Variants in WWP2 observed in about 807,000 individuals in gnomAD.
The protein encoded by WWP2 is NEDD4-like E3 ubiquitin-protein ligase WWP2.
WWP2 carries 57 observed loss-of-function variants against 121.0 expected under a neutral mutation model. That is an observed-to-expected ratio of 0.47 (90% confidence interval 0.38 to 0.59). WWP2 has a LOEUF of 0.59. WWP2 is among the 20% of genes least tolerant of loss of function. The pLI is 0.00. For missense variants in WWP2, 962 were observed against 1,158.9 expected (o/e 0.83, Z 2.47); for synonymous variants, 449 against 441.3 (o/e 1.02, Z -0.22).
chr16:69,806,042 A>T (rs968320373), intron 4 of WWP2, among the ~76,000 whole-genome samples: 1 of 149,778 alleles, frequency 6.7e-6, no homozygotes, highest in African/African-American at 2.4e-5. Flanking sequence ...ACTAAAAATT[A>T]AAAAAAAAAT....
intron 5 of WWP2, among the ~76,000 whole-genome samples, chr16:69,841,643 G>A (rs1348045149): frequency 6.6e-6 from 1 of 152,156 alleles, no homozygotes; most frequent in African/African-American, 2.4e-5. Context: ...AGCTCTCTGG[G>A]TGTATTATGG....
intron 8 of WWP2, among the ~76,000 whole-genome samples, chr16:69,894,075 A>C (rs543468715): frequency 3.6e-5 from 5 of 138,998 alleles, no homozygotes; most frequent in African/African-American, 7.9e-5. Flanking sequence ...AGGTTGCTGC[A>C]TTTTTTTTTT....
At chr16:69,929,724 T>A (rs976615442) in intron 12 of WWP2, among the ~76,000 whole-genome samples, 195 bp downstream of exon 12, 3 of 152,186 alleles carry the variant, frequency 2.0e-5, no homozygotes, top group Admixed American at 6.5e-5. Flanking sequence ...GTTTCTTAAA[T>A]AGACCTTCCT....
intron 9 of WWP2, among the ~76,000 whole-genome samples, chr16:69,914,065 C>CT (rs1195215023): frequency 3.1e-4 from 28 of 90,854 alleles, no homozygotes; most frequent in Non-Finnish European, 4.9e-4. Context: ...GAGCGAGACT[C>CT]TGTCTCAAAA....
chr16:69,927,449 A>G (rs540464474), intron 11 of WWP2, among the ~76,000 whole-genome samples: 2 of 151,386 alleles, frequency 1.3e-5, no homozygotes, highest in African/African-American at 4.8e-5. Flanking sequence ...GTGGCTGAAT[A>G]TGTCTGAGTC....
rs779707234 is a variant in WWP2, at chr16:69,929,496, G to A, written c.1283G>A (p.Arg428His). Residue 428 changes from arginine to histidine, a missense_variant, in exon 12 of 24, where the codon CGC (arginine) becomes CAC (histidine). Physicochemically the swap from Arg to His is conservative, Grantham distance 29. Transcript: ENST00000359154. Reference protein sequence around the residue: ...GRVYYVNHNTRTTQWEDPRTQ... With the variant: ...GRVYYVNHNTHTTQWEDPRTQ... Reference sequence around the variant, plus strand: ...GTGTATTACGTGAACCATAACACTCGCACGACCCAGTGGGAGGATCCCCGG... The same window carrying A: ...GTGTATTACGTGAACCATAACACTCACACGACCCAGTGGGAGGATCCCCGG... 3.8e-4 allele frequency: 616 copies of A among 1,613,960 alleles called. 6 individuals are homozygous for A. The highest frequency in any genetic ancestry group is 1.3e-4 in the Non-Finnish European group (148 of 1,179,990).
intron 1 of WWP2, among the ~76,000 whole-genome samples, chr16:69,777,122 C>A (rs2055548399): frequency 1.3e-5 from 2 of 149,924 alleles, no homozygotes; most frequent in South Asian, 4.2e-4. Context: ...ATATACAATA[C>A]ACATATGGAT....
In WWP2 at chr16:69,840,233, A is replaced by T; in HGVS notation, c.448A>T (p.Asn150Tyr). The part of the protein sequence containing the change: ...FLDGPTVDLG[N>Y]VPNGSALTDG... ...GGACGGGCCAACTGTTGATCTGGGA[A>T]ATGTGCCTAATGGCAGTGCCCTGAC... The change falls in exon 5 of 24, where the codon AAT becomes TAT. Residue 150 changes from asparagine to tyrosine, a missense_variant. Physicochemically the swap from Asn to Tyr is moderately radical, Grantham distance 143 (BLOSUM62 -2). Around this residue, in one of 3 missense-constraint regions of WWP2, gnomAD observed 145 missense variants for 189.8 expected, o/e 0.76. Transcript: ENST00000359154. The T allele has an allele frequency of 6.2e-7, 1 of 1,614,206 alleles. No homozygotes were observed. Among genetic ancestry groups the T allele is most frequent in the African/African-American group, 1.3e-5 (1 of 75,056 alleles).
chr16:69,914,689 G>A (rs1364107987), intron 9 of WWP2, among the ~76,000 whole-genome samples: 1 of 151,966 alleles, frequency 6.6e-6, no homozygotes. Context: ...CTGGGAGGTC[G>A]AGGCTGCAGT....
chr16:69,933,172 C>T (rs924615682), intron 16 of WWP2: 5 of 493,196 alleles, frequency 1.0e-5, no homozygotes, highest in African/African-American at 1.9e-5. Flanking sequence ...GACAGGATAC[C>T]GGGGCACCCT....
chr16:69,914,627 C>T (rs1485719798), intron 9 of WWP2, among the ~76,000 whole-genome samples: 3 of 151,968 alleles, frequency 2.0e-5, no homozygotes, highest in Non-Finnish European at 2.9e-5. Context: ...CATGGTGGTG[C>T]GTGCCTGTAG....
intron 4 of WWP2, among the ~76,000 whole-genome samples, chr16:69,804,800 C>T (rs1232713869): frequency 6.6e-6 from 1 of 152,058 alleles, no homozygotes; most frequent in Non-Finnish European, 1.5e-5. Flanking sequence ...ATACTGAACT[C>T]CCCACATAGG....
Position 69,799,452 on chromosome 16 carries a change from C to G in WWP2, c.340+157C>G, listed in dbSNP as rs2056116266. ...TGGAGTTTTGGGAAGGCTGAGGGCT[C>G]CTCTCTGCCTCCACTACAGAGTTTA... On this transcript the variant is annotated intron_variant, in intron 4 of 23. Transcript: ENST00000359154. This position sits in a 1 kb window ranked among gnomAD's most constrained non-coding sequence, Gnocchi z 4.5. The G allele has an allele frequency of 1.0e-5, 10 of 964,570 alleles. No individual in the cohort carries two copies. The allele number at this position is 964,570 out of a possible 1,614,324, so 59.8% of individuals were successfully genotyped here.
chr16:69,801,575 T>C lies in WWP2; in HGVS notation c.340+2280T>C, dbSNP rs113510390. Among the ~76,000 whole-genome samples the C allele has an allele frequency of 7.6e-3, 1,147 of 151,424 alleles. 16 individuals carry two copies. The highest frequency in any genetic ancestry group is 0.026 in the African/African-American group (1,065 of 41,246). On this transcript the variant is annotated intron_variant, in intron 4 of 23. Transcript: ENST00000359154. ...AGATTGAGATGGGATCTCCCTATAT[T>C]GCTCAGGCTGGAGTGTAGTGGCTAT...
intron 4 of WWP2, among the ~76,000 whole-genome samples, chr16:69,811,987 C>T (rs2056400465): frequency 6.6e-6 from 1 of 151,938 alleles, no homozygotes; most frequent in South Asian, 2.1e-4. Flanking sequence ...AAGAAATTTC[C>T]CGTTTTTGCA....
Position 69,925,202 on chromosome 16 carries a change from C to T in WWP2, c.1180-228C>T. The T allele has an allele frequency of 5.1e-6, 7 of 1,379,214 alleles. No homozygotes were observed. The highest frequency in any genetic ancestry group is 5.6e-6 in the Non-Finnish European group (6 of 1,065,756). The allele number at this position is 1,379,214 out of a possible 1,614,324, so 85.4% of individuals were successfully genotyped here. A position where few individuals can be genotyped will look rare whatever the true frequency, so the allele number is the denominator to read the frequency against. ...GTCGCTCTGCCTTTTCCAAAACTCA[C>T]TTGGGCCCTCCGTGCGCAGGGTTCT... On this transcript the variant is annotated intron_variant, in intron 10 of 23. Transcript: ENST00000359154. This position sits in a 1 kb window ranked among gnomAD's most constrained non-coding sequence, Gnocchi z 4.0.
chr16:69,803,208 A>C (rs187505952), intron 4 of WWP2, among the ~76,000 whole-genome samples: 3 of 145,792 alleles, frequency 2.1e-5, no homozygotes, highest in African/African-American at 7.6e-5. Context: ...TTTTGCTCTG[A>C]TCTCCTGGCC....
At chr16:69,830,017 C>T (rs1297095276) in intron 4 of WWP2, among the ~76,000 whole-genome samples, 2 of 150,878 alleles carry the variant, frequency 1.3e-5, no homozygotes, top group East Asian at 1.9e-4. Context: ...TGCAGTGGCG[C>T]GATGTTGGGT....
intron 6 of WWP2, among the ~76,000 whole-genome samples, chr16:69,859,728 C>T (rs985901523): frequency 2.0e-4 from 30 of 152,120 alleles, no homozygotes; most frequent in African/African-American, 6.3e-4. Context: ...GTGCCCCCTC[C>T]ACCTTCGAGC....
Sources: allele counts gnomAD v4.1 joint callset (sites outside exome capture counted in the v4.1 genomes callset), GRCh38; gene constraint gnomAD v4.1.1; regional missense constraint gnomAD v4.1.1; non-coding constraint Gnocchi (gnomAD v3.1); transcripts MANE v1.5; gene names NCBI Gene and HGNC (gene_info 2026-07-23, HGNC 2026-07-21).